Variants in STYX observed in about 807,000 individuals in gnomAD.
The protein encoded by STYX is serine/threonine/tyrosine interacting protein, also known as serine/threonine/tyrosine-interacting protein.
STYX carries 20 observed loss-of-function variants against 42.7 expected under a neutral mutation model. The observed-to-expected ratio is 0.47, with a 90% CI of 0.33 to 0.68. The LOEUF is 0.68. STYX is among the 30% of genes least tolerant of loss of function. STYX has a pLI of 0.02. For missense variants in STYX, 226 were observed against 268.5 expected (o/e 0.84, Z 1.11); for synonymous variants, 78 against 81.9 (o/e 0.95, Z 0.26).
In STYX at chr14:52,765,469, G is replaced by A. The variant is rs144779817; in HGVS notation, c.505-3371G>A. Among the ~76,000 whole-genome samples, 1,346 of 152,082 alleles carry A rather than the reference G, an allele frequency of 8.9e-3. 7 individuals carry two copies. Among genetic ancestry groups the A allele is most frequent in the Admixed American group, 0.016 (245 of 15,290 alleles). On this transcript the variant is annotated intron_variant, in intron 9 of 10. Coordinates refer to ENST00000354586, the MANE Select transcript of STYX (RefSeq NM_145251.4). Reference sequence around the variant, plus strand: ...CGACCTCAGGTGATCTGCCCTCCTCGGCCTCCCAAAGTGTTGGGATTACAG... The same window carrying A: ...CGACCTCAGGTGATCTGCCCTCCTCAGCCTCCCAAAGTGTTGGGATTACAG...
At chr14:52,757,850 T>C (rs764567586) in intron 7 of STYX, 24 bp from the exon 8 acceptor site, 173 of 1,612,998 alleles carry the variant, frequency 1.1e-4, no homozygotes, top group Non-Finnish European at 1.4e-4. Context: ...CTGGTTGTTT[T>C]TAAAATTATT....
At chr14:52,752,340 C>T (rs146773102) in intron 4 of STYX, among the ~76,000 whole-genome samples, 1,679 of 152,044 alleles carry the variant, frequency 0.011, 29 homozygotes, top group African/African-American at 0.038. Flanking sequence ...TGGCACATGC[C>T]TGTAGTCCCA....
chr14:52,753,626 C>T (rs1454115959), intron 4 of STYX, among the ~76,000 whole-genome samples: 1 of 152,154 alleles, frequency 6.6e-6, no homozygotes, highest in Admixed American at 6.5e-5. Flanking sequence ...CACATTCTCT[C>T]ATATACATTA....
Position 52,774,244 on chromosome 14 carries a change from T to C in STYX, c.*3138T>C, listed in dbSNP as rs1419356404. 1.3e-5 allele frequency: 2 copies of C among 152,174 alleles called. No homozygotes were observed. Among genetic ancestry groups the C allele is most frequent in the East Asian group, 3.8e-4 (2 of 5,200 alleles). 9.4% of individuals were successfully genotyped at this position (152,174 alleles called of 1,614,324 possible). A position where few individuals can be genotyped will look rare whatever the true frequency, so the allele number is the denominator to read the frequency against. On this transcript the variant is annotated 3_prime_UTR_variant, in exon 11 of 11. Transcript: ENST00000354586. ...CAGAAAATGTTAAGCATGTCTGTATTAAGAAAATATAAGGTTTCTAATTGT... is the reference window on the plus strand; with the variant it reads ...CAGAAAATGTTAAGCATGTCTGTATCAAGAAAATATAAGGTTTCTAATTGT...
intron 3 of STYX, among the ~76,000 whole-genome samples, chr14:52,750,005 G>T (rs722290): frequency 6.6e-6 from 1 of 151,954 alleles, no homozygotes; most frequent in Non-Finnish European, 1.5e-5. Context: ...CAAGACATCT[G>T]AGTATGTATA....
rs1232647017 is a variant in STYX, at chr14:52,773,317, A to ATATG, written c.*2214_*2215insGTAT. ...TCATCATCTTGAGTACTCTGTGTGT[A>ATATG]TATATATATATATAGATAGATAGAT... On this transcript the variant is annotated 3_prime_UTR_variant, in exon 11 of 11. Coordinates refer to ENST00000354586, the MANE Select transcript of STYX (RefSeq NM_145251.4). The ATATG allele has an allele frequency of 7.8e-6, 1 of 128,256 alleles. No homozygotes were observed. The highest frequency in any genetic ancestry group is 1.7e-5 in the Non-Finnish European group (1 of 59,496). 7.9% of individuals were successfully genotyped at this position (128,256 alleles called of 1,614,324 possible). A position where few individuals can be genotyped will look rare whatever the true frequency, so the allele number is the denominator to read the frequency against.
intron 1 of STYX, among the ~76,000 whole-genome samples, chr14:52,732,588 A>G (rs1485695997): frequency 1.3e-5 from 2 of 151,108 alleles, no homozygotes; most frequent in African/African-American, 4.9e-5. Flanking sequence ...ACTCTTAGAA[A>G]ACAGGAGGTC....
chr14:52,743,988 A>AT (rs1881300599), intron 1 of STYX, among the ~76,000 whole-genome samples: 1 of 151,760 alleles, frequency 6.6e-6, no homozygotes, highest in African/African-American at 2.4e-5. Context: ...TGCCCAACGA[A>AT]TTTTTTTGTA....
At chr14:52,743,317 C>T (rs2139890998) in intron 1 of STYX, among the ~76,000 whole-genome samples, 1 of 152,064 alleles carries the variant, frequency 6.6e-6, no homozygotes, top group Admixed American at 6.6e-5. Flanking sequence ...GGCAGTAGCT[C>T]ACTCCCGAAA....
intron 4 of STYX, among the ~76,000 whole-genome samples, chr14:52,755,697 T>G (rs973989772): frequency 2.0e-5 from 3 of 151,308 alleles, no homozygotes; most frequent in Non-Finnish European, 4.4e-5. Context: ...TTTTTTTTTT[T>G]TTTTTTCCCC....
chr14:52,771,814 T>A lies in STYX; in HGVS notation c.*708T>A, dbSNP rs1455020965. On this transcript the variant is annotated 3_prime_UTR_variant, in exon 11 of 11. Coordinates refer to ENST00000354586, the MANE Select transcript of STYX (RefSeq NM_145251.4). The stretch of plus-strand genomic sequence containing the variant: ...TATATTTTAAAAACTACAGTTTCCA[T>A]GATAAAAGGAAAACGTTTTGATTTA... The A allele has an allele frequency of 6.6e-6, 1 of 152,390 alleles. No homozygotes were observed. The highest frequency in any genetic ancestry group is 2.4e-5 in the African/African-American group (1 of 41,442). The allele number at this position is 152,390 out of a possible 1,614,324, so 9.4% of individuals were successfully genotyped here. A position where few individuals can be genotyped will look rare whatever the true frequency, so the allele number is the denominator to read the frequency against.
At chr14:52,741,764 A>T (rs552688882) in intron 1 of STYX, among the ~76,000 whole-genome samples, 2 of 152,230 alleles carry the variant, frequency 1.3e-5, no homozygotes, top group East Asian at 3.9e-4. Flanking sequence ...AATTTCAATT[A>T]TACTTCTTAT....
At chr14:52,760,984 A>G (rs1882069878) in intron 9 of STYX, among the ~76,000 whole-genome samples, 1 of 152,324 alleles carries the variant, frequency 6.6e-6, no homozygotes, top group Admixed American at 6.5e-5. Flanking sequence ...GTGTAAAAAC[A>G]TTCTTTTTTA....
At chr14:52,741,223 TA>T (rs1330669413) in intron 1 of STYX, among the ~76,000 whole-genome samples, 11 of 93,292 alleles carry the variant, frequency 1.2e-4, no homozygotes, top group African/African-American at 3.5e-4. Context: ...TATATATATA[TA>T]TATATATTTT....
At position 52,773,728 on chromosome 14, in the gene STYX, A is replaced by G. The variant is rs1882612253; in HGVS notation, c.*2622A>G. 6.6e-6 allele frequency: 1 copy of G among 152,100 alleles called. No individual in the cohort carries two copies. The allele number at this position is 152,100 out of a possible 1,614,324, so 9.4% of individuals were successfully genotyped here. On this transcript the variant is annotated 3_prime_UTR_variant, in exon 11 of 11. Transcript: ENST00000354586. The stretch of plus-strand genomic sequence containing the variant: ...TTTTTTCTTGCATGTCTGTCCACCT[A>G]ATGTTTAAGTAGTTCTGGTAGCTCT...
intron 9 of STYX, among the ~76,000 whole-genome samples, chr14:52,762,825 A>G (rs1882144506): frequency 6.8e-6 from 1 of 146,824 alleles, no homozygotes; most frequent in East Asian, 2.0e-4. Flanking sequence ...CTCAGACAAC[A>G]TTCTTCATTT....
In STYX at chr14:52,773,313, G is replaced by A. The variant is rs1352851483; in HGVS notation, c.*2207G>A. ...ACTGTCATCATCTTGAGTACTCTGT[G>A]TGTATATATATATATATAGATAGAT... is the stretch of plus-strand genomic sequence containing the variant. On this transcript the variant is annotated 3_prime_UTR_variant, in exon 11 of 11. Coordinates refer to ENST00000354586, the MANE Select transcript of STYX (RefSeq NM_145251.4). 8.3e-6 allele frequency: 1 copy of A among 119,990 alleles called. No homozygotes were observed. Among genetic ancestry groups the A allele is most frequent in the Non-Finnish European group, 1.8e-5 (1 of 56,352 alleles). The allele number at this position is 119,990 out of a possible 1,614,324, so 7.4% of individuals were successfully genotyped here. A position where few individuals can be genotyped will look rare whatever the true frequency, so the allele number is the denominator to read the frequency against.
chr14:52,755,131 T>TTG (rs1555359520), intron 4 of STYX, among the ~76,000 whole-genome samples: 6 of 150,596 alleles, frequency 4.0e-5, no homozygotes, highest in African/African-American at 1.5e-4. Context: ...GTTTTTTTTT[T>TTG]TTTGTTTTTG....
At chr14:52,742,905 C>T (rs565523867) in intron 1 of STYX, among the ~76,000 whole-genome samples, 17 of 151,640 alleles carry the variant, frequency 1.1e-4, no homozygotes, top group African/African-American at 3.9e-4. Flanking sequence ...AAGCGATTCT[C>T]CTGCCTCAGC....
Sources: allele counts gnomAD v4.1 joint callset (sites outside exome capture counted in the v4.1 genomes callset), GRCh38; gene constraint gnomAD v4.1.1; transcripts MANE v1.5; gene names NCBI Gene and HGNC (gene_info 2026-07-23, HGNC 2026-07-21).